The following CSMD2 variants were observed in gnomAD, a reference collection of about 807,000 sequenced individuals.
The protein encoded by CSMD2 is CUB and Sushi multiple domains 2, also known as CUB and sushi domain-containing protein 2.
Under a neutral mutation model 398.5 loss-of-function variants are expected in CSMD2, and 130 were observed. The ratio of observed to expected loss-of-function variants is 0.33; its 90% CI spans 0.28 to 0.38. The LOEUF (loss-of-function observed/expected upper bound fraction) is 0.38, where lower values mean the gene tolerates loss of function less well. Ranked by LOEUF, CSMD2 falls within the 10% of genes least tolerant of loss-of-function variation. The pLI, the probability that CSMD2 is intolerant of heterozygous loss-of-function variation, is 1.00. For missense variants in CSMD2, 3,829 were observed against 4,764.9 expected (o/e 0.80, Z 5.78); for synonymous variants, 1,828 against 1,908.5 (o/e 0.96, Z 1.10).
chr1:33,689,737 T>C lies in CSMD2; in HGVS notation c.4052+3193A>G, dbSNP rs747308871. On this transcript the variant is annotated intron_variant, in intron 25 of 70. Transcript: ENST00000373381. ...TGAACACATCCTTCTCTTTAGACGATGTGTGCCAAAGCATCTAGAAATGAA... is the reference window on the plus strand; with the variant it reads ...TGAACACATCCTTCTCTTTAGACGACGTGTGCCAAAGCATCTAGAAATGAA... Among the ~76,000 whole-genome samples, 3 of 152,136 alleles carry C rather than the reference T, an allele frequency of 2.0e-5. No individual in the cohort carries two copies. In the South Asian group the frequency reaches 6.2e-4, roughly 32 times the overall value.
chr1:33,715,607 G>A lies in CSMD2; in HGVS notation c.3217+679C>T, dbSNP rs760933553. On this transcript the variant is annotated intron_variant, in intron 20 of 70. Transcript: ENST00000373381. Reference sequence around the variant, plus strand: ...GAGGCCTGGCAGGGGACTAAGCTGGGCCACACCCCAGTTCCTAGAAGCTGG... The same window carrying A: ...GAGGCCTGGCAGGGGACTAAGCTGGACCACACCCCAGTTCCTAGAAGCTGG... Among the ~76,000 whole-genome samples the A allele has an allele frequency of 1.1e-3, 167 of 152,288 alleles. 1 individual carries two copies. The highest frequency in any genetic ancestry group is 0.01 in the Middle Eastern group (3 of 294).
intron 54 of CSMD2, among the ~76,000 whole-genome samples, chr1:33,558,666 A>C (rs1163785797): frequency 6.6e-6 from 1 of 152,166 alleles, no homozygotes; most frequent in Non-Finnish European, 1.5e-5. Flanking sequence ...CTGCTGTCAA[A>C]AGCCTCTAAA....
Position 33,587,187 on chromosome 1 carries a change from G to T in CSMD2, c.6857-19C>A. The T allele has an allele frequency of 6.4e-7, 1 of 1,571,896 alleles. No homozygotes were observed. Among genetic ancestry groups the T allele is most frequent in the Non-Finnish European group, 8.7e-7 (1 of 1,150,424 alleles). ...GGATAAGCTGAAAAGATAAAAGCAG[G>T]CAAGTCAGGGTAAGATCATCATTCT... On this transcript the variant is annotated intron_variant, in intron 44 of 70. Transcript: ENST00000373381.
chr1:34,055,894 C>A (rs1653774929), intron 2 of CSMD2, among the ~76,000 whole-genome samples: 1 of 152,196 alleles, frequency 6.6e-6, no homozygotes, highest in Admixed American at 6.5e-5. Context: ...CTTGGTCTTC[C>A]CAGTAACCAA....
At position 34,134,052 on chromosome 1, in the gene CSMD2, C is replaced by CAA. The variant is rs59062675; in HGVS notation, c.187+30857_187+30858dup. On this transcript the variant is annotated intron_variant, in intron 1 of 70. Transcript: ENST00000373381. Reference sequence around the variant, plus strand: ...TGGGTGACAGAGTGAGACTCTGTCTCAAAAAAAAAAAAAAAAAAAAAAAAA... The same window carrying CAA: ...TGGGTGACAGAGTGAGACTCTGTCTCAAAAAAAAAAAAAAAAAAAAAAAAAAA... Among the ~76,000 whole-genome samples, 212 of 85,224 alleles carry CAA rather than the reference C, an allele frequency of 2.5e-3. 2 individuals are homozygous for CAA. Among genetic ancestry groups the CAA allele is most frequent in the African/African-American group, 9.6e-3 (192 of 20,032 alleles). The allele number at this position is 85,224 out of a possible 152,430, so 55.9% of individuals were successfully genotyped here.
In CSMD2 at chr1:33,743,115, C is replaced by T. The variant is rs1011920080; in HGVS notation, c.2173+165G>A. 2.6e-5 allele frequency among the ~76,000 whole-genome samples: 4 copies of T among 152,158 alleles called. 1 individual carries two copies. Among genetic ancestry groups the T allele is most frequent in the Non-Finnish European group, 2.9e-5 (2 of 68,024 alleles). ...TGCCTGGCAGCCAGTGCTTTATGCC[C>T]TTTCTTGGTCATGCTGGGAGCTCCA... On this transcript the variant is annotated intron_variant, in intron 14 of 70. Transcript: ENST00000373381.
chr1:33,587,055 G>A (rs376765407), intron 45 of CSMD2, 33 bp downstream of exon 45: 51 of 1,540,722 alleles, frequency 3.3e-5, no homozygotes, highest in Admixed American at 1.1e-4. Context: ...CCAGTCCTGG[G>A]TTCACAGTCC....
At chr1:34,108,573 G>C (rs1571147611) in intron 1 of CSMD2, among the ~76,000 whole-genome samples, 1 of 152,272 alleles carries the variant, frequency 6.6e-6, no homozygotes, top group East Asian at 1.9e-4. Flanking sequence ...TAAGCCAATG[G>C]GGATGCCTGT....
At chr1:33,834,139 G>A (rs375404336) in intron 6 of CSMD2, among the ~76,000 whole-genome samples, 1 of 92,164 alleles carries the variant, frequency 1.1e-5, no homozygotes, top group Non-Finnish European at 2.0e-5. Context: ...TCACAGAATT[G>A]GAAAAAACTA....
intron 65 of CSMD2, 119 bp from the exon 66 acceptor site, chr1:33,525,162 A>G: frequency 2.8e-6 from 3 of 1,076,360 alleles, no homozygotes; most frequent in East Asian, 2.4e-5. Flanking sequence ...AATGTCTACC[A>G]TGTGAGGAAG....
At chr1:33,951,629 C>T (rs1325762508) in intron 3 of CSMD2, among the ~76,000 whole-genome samples, 1 of 152,340 alleles carries the variant, frequency 6.6e-6, no homozygotes, top group East Asian at 1.9e-4. Context: ...CTTCTCCAAT[C>T]CTCGCTCCAA....
chr1:33,824,366 A>C lies in CSMD2; in HGVS notation c.1111+1331T>G, dbSNP rs147211126. On this transcript the variant is annotated intron_variant, in intron 7 of 70. Transcript: ENST00000373381. The stretch of plus-strand genomic sequence containing the variant: ...TAAACCCCCAGTCAAGCACAGAAGA[A>C]GGCTCTTCTGGTGCCCTCTGCCATC... Among the ~76,000 whole-genome samples the C allele has an allele frequency of 3.8e-3, 574 of 152,298 alleles. 4 individuals are homozygous for C. Among genetic ancestry groups the C allele is most frequent in the Non-Finnish European group, 5.4e-3 (365 of 68,036 alleles).
chr1:33,739,417 G>T (rs1646986661), intron 14 of CSMD2, 83 bp from the exon 15 acceptor site: 4 of 1,347,334 alleles, frequency 3.0e-6, no homozygotes, highest in Admixed American at 2.3e-5. Context: ...TCCTTGGGAT[G>T]GGAAACCCTA....
chr1:33,713,288 C>T (rs1646052221), intron 21 of CSMD2, among the ~76,000 whole-genome samples: 1 of 152,188 alleles, frequency 6.6e-6, no homozygotes, highest in African/African-American at 2.4e-5. Flanking sequence ...CTGAGGGCTC[C>T]ATGGACTTGT....
chr1:33,663,028 C>G lies in CSMD2; in HGVS notation c.4117G>C (p.Val1373Leu), dbSNP rs1343687260. 6 of 1,614,092 alleles carry G rather than the reference C, an allele frequency of 3.7e-6. No homozygotes were observed. The highest frequency in any genetic ancestry group is 1.3e-5 in the African/African-American group (1 of 74,942). ...TCCTTCAGCAGAACCCCGCTCTCCA[C>G]AGGCCCATCCCAGATGCGCAGCACG... Reference protein sequence around the residue: ...HDVLRIWDGPVESGVLLKELS... With the variant: ...HDVLRIWDGPLESGVLLKELS... The change falls in exon 26 of 71, where the codon GTG (valine) becomes CTG (leucine). Residue 1373 changes from valine (V) to leucine (L), a missense_variant. Physicochemically the swap from Val to Leu is conservative, Grantham distance 32 (BLOSUM62 1). This residue lies in a region of CSMD2 where 2,001 missense variants were observed against 2,567.1 expected (regional missense o/e 0.78). Transcript: ENST00000373381.
chr1:33,737,920 C>T (rs1396804688), intron 15 of CSMD2, among the ~76,000 whole-genome samples: 1 of 152,062 alleles, frequency 6.6e-6, no homozygotes, highest in Admixed American at 6.5e-5. Context: ...TATCATTATC[C>T]CTCCTTTTTT....
At chr1:33,547,412 C>T (rs1296489299) in intron 56 of CSMD2, among the ~76,000 whole-genome samples, 1 of 152,220 alleles carries the variant, frequency 6.6e-6, no homozygotes, top group African/African-American at 2.4e-5. Context: ...GATAAAGTTA[C>T]AACTATCATG....
Position 33,624,430 on chromosome 1 carries a change from C to A in CSMD2, c.5625+89G>T. On this transcript the variant is annotated intron_variant, in intron 35 of 70. Transcript: ENST00000373381. This position sits in a 1 kb window ranked among gnomAD's most constrained non-coding sequence, Gnocchi z 4.7. ...TGGCTCACCCTGACTCAGGCCTTGGCACCAGCCAGCACCTGTGGTTGTCAC... is the reference window on the plus strand; with the variant it reads ...TGGCTCACCCTGACTCAGGCCTTGGAACCAGCCAGCACCTGTGGTTGTCAC... The A allele has an allele frequency of 2.0e-6, 3 of 1,529,950 alleles. No homozygotes were observed. The highest frequency in any genetic ancestry group is 2.7e-6 in the Non-Finnish European group (3 of 1,127,240). The allele number at this position is 1,529,950 out of a possible 1,614,324, so 94.8% of individuals were successfully genotyped here. A position where few individuals can be genotyped will look rare whatever the true frequency, so the allele number is the denominator to read the frequency against.
At chr1:34,087,294 A>C (rs750885630) in intron 2 of CSMD2, among the ~76,000 whole-genome samples, 1 of 152,060 alleles carries the variant, frequency 6.6e-6, no homozygotes, top group East Asian at 1.9e-4. Context: ...CACAGCCATA[A>C]AAAAGGATGA....
Sources: gnomAD v4.1 joint callset for allele counts (sites outside exome capture counted in the v4.1 genomes callset) on GRCh38, gnomAD v4.1.1 for gene constraint, gnomAD v4.1.1 regional missense constraint, Gnocchi (gnomAD v3.1) non-coding constraint, MANE v1.5 for transcripts, NCBI Gene and HGNC (gene_info 2026-07-23, HGNC 2026-07-21) for gene names.